ATG4B: variants seen among roughly 807,000 people sequenced by gnomAD.
The protein encoded by ATG4B is autophagy related 4B cysteine peptidase.
Under a neutral mutation model 56.6 loss-of-function variants are expected in ATG4B, and 29 were observed. That is an observed-to-expected ratio of 0.51 (90% confidence interval 0.38 to 0.70). The LOEUF is 0.70. Ranked by LOEUF, ATG4B falls within the 30% of genes least tolerant of loss-of-function variation. The pLI, the probability that ATG4B is intolerant of heterozygous loss-of-function variation, is 0.00. For missense variants in ATG4B, 461 were observed against 515.5 expected, an observed-to-expected ratio of 0.89 and a Z score of 1.02; for synonymous variants, 224 against 206.1, an observed-to-expected ratio of 1.09 and a Z score of -0.74.
intron 7 of ATG4B, 163 bp downstream of exon 7, chr2:241,659,350 C>T: frequency 1.4e-6 from 1 of 707,020 alleles, no homozygotes; most frequent in South Asian, 1.5e-5. Flanking sequence ...GCACGGTGGC[C>T]TCGCTCTCCT....
At chr2:241,660,370 C>T (rs1264802923) in intron 7 of ATG4B, among the ~76,000 whole-genome samples, 2 of 152,152 alleles carry the variant, frequency 1.3e-5, no homozygotes, top group Non-Finnish European at 2.9e-5. Context: ...TGGCCATCCT[C>T]GGGGGCATTG....
chr2:241,667,139 C>T (rs2068804203), intron 8 of ATG4B, among the ~76,000 whole-genome samples: 1 of 152,180 alleles, frequency 6.6e-6, no homozygotes, highest in African/African-American at 2.4e-5. Context: ...AGCCCCGCCC[C>T]CTCCCGGGTC....
chr2:241,647,661 G>C (rs2068105304), intron 1 of ATG4B, among the ~76,000 whole-genome samples: 1 of 151,862 alleles, frequency 6.6e-6, no homozygotes, highest in Non-Finnish European at 1.5e-5. Context: ...AATTAGACCG[G>C]TGGTGTTTTC....
chr2:241,639,627 AAC>A (rs1448769239), intron 1 of ATG4B, among the ~76,000 whole-genome samples: 1 of 152,178 alleles, frequency 6.6e-6, no homozygotes, highest in Non-Finnish European at 1.5e-5. Context: ...TGAGTGATGA[AAC>A]ACCCCTCAGC....
intron 12 of ATG4B, chr2:241,671,727 G>T: frequency 2.3e-6 from 3 of 1,314,366 alleles, no homozygotes; most frequent in East Asian, 3.5e-5. Flanking sequence ...AGTCCTGGGT[G>T]GGGGACTGGT....
At chr2:241,648,594 C>CA (rs35764376) in intron 1 of ATG4B, among the ~76,000 whole-genome samples, 72,210 of 135,238 alleles carry the variant, frequency 0.53, 18,368 homozygotes, top group East Asian at 0.81. Flanking sequence ...GTCCCGGTCT[C>CA]AAAAAAAAAA....
In ATG4B at chr2:241,668,773, T is replaced by C. The variant is rs1285941304; in HGVS notation, c.957+88T>C. The C allele has an allele frequency of 1.3e-6, 2 of 1,503,500 alleles. No homozygotes were observed. Among genetic ancestry groups the C allele is most frequent in the African/African-American group, 1.4e-5 (1 of 70,718 alleles). The allele number at this position is 1,503,500 out of a possible 1,614,324, so 93.1% of individuals were successfully genotyped here. On this transcript the variant is annotated intron_variant, in intron 10 of 12. Transcript: ENST00000404914. The surrounding 1 kb of genome is among the most constrained non-coding windows in gnomAD (Gnocchi z 4.2). ...GAAAACTTTCGGATTTTTGCGTTTT[T>C]TTTTTCAGCATGTTGGGATAAGTAC...
Position 241,654,422 on chromosome 2 carries a change from A to G in ATG4B, c.284-124A>G, listed in dbSNP as rs1184881435. On this transcript the variant is annotated intron_variant, in intron 4 of 12. Coordinates refer to ENST00000404914, the MANE Select transcript of ATG4B (RefSeq NM_013325.5). ...GGTGAGAGAGCGAGACTCTGTTTAA[A>G]AAAAAAAAAAAAAAAAAAAAGATTC... is the stretch of plus-strand genomic sequence containing the variant. The G allele has an allele frequency of 1.4e-5, 3 of 212,390 alleles. No homozygotes were observed. In the African/African-American group the frequency reaches 1.7e-4, roughly 12 times the overall value. The allele number at this position is 212,390 out of a possible 1,614,324, so 13.2% of individuals were successfully genotyped here. A position where few individuals can be genotyped will look rare whatever the true frequency, so the allele number is the denominator to read the frequency against.
Position 241,668,080 on chromosome 2 carries a change from A to T in ATG4B, c.733-63A>T. On this transcript the variant is annotated intron_variant, in intron 8 of 12. Coordinates refer to ENST00000404914, the MANE Select transcript of ATG4B (RefSeq NM_013325.5). The surrounding 1 kb of genome is among the most constrained non-coding windows in gnomAD (Gnocchi z 4.2). ...AGCAGGCCCTTGGGCCCCCTATGGC[A>T]GTGGGTGGGGGGACCGTCTGCTCCC... 6.6e-7 allele frequency: 1 copy of T among 1,514,400 alleles called. No individual in the cohort carries two copies. Among genetic ancestry groups the T allele is most frequent in the Non-Finnish European group, 9.0e-7 (1 of 1,117,198 alleles). 93.8% of individuals were successfully genotyped at this position (1,514,400 alleles called of 1,614,324 possible).
intron 1 of ATG4B, among the ~76,000 whole-genome samples, chr2:241,644,518 G>A (rs1294427412): frequency 6.6e-6 from 1 of 152,236 alleles, no homozygotes; most frequent in East Asian, 1.9e-4. Context: ...GTCCAGGCCT[G>A]TGTCTGTCCT....
intron 6 of ATG4B, 115 bp from the exon 7 acceptor site, chr2:241,658,993 C>T (rs1193392110): frequency 2.3e-5 from 16 of 706,464 alleles, no homozygotes; most frequent in Non-Finnish European, 3.4e-5. Flanking sequence ...AGCCTTGGCC[C>T]TTCTCATCCG....
chr2:241,647,765 A>G (rs1383385154), intron 1 of ATG4B, among the ~76,000 whole-genome samples: 1 of 152,194 alleles, frequency 6.6e-6, no homozygotes, highest in Non-Finnish European at 1.5e-5. Context: ...CTGAAGATTC[A>G]GGAGTGGCTT....
rs1364896083 is a variant in ATG4B, at chr2:241,668,281, A to G, written c.811+60A>G. On this transcript the variant is annotated intron_variant, in intron 9 of 12. Coordinates refer to ENST00000404914, the MANE Select transcript of ATG4B (RefSeq NM_013325.5). This position sits in a 1 kb window ranked among gnomAD's most constrained non-coding sequence, Gnocchi z 4.2. ...CTGGGCCTTTTAAGGGCATTCCATG[A>G]GCAGGTACCACACCCCAGGTGACCA... 6.5e-7 allele frequency: 1 copy of G among 1,534,766 alleles called. No individual in the cohort carries two copies. The highest frequency in any genetic ancestry group is 8.8e-7 in the Non-Finnish European group (1 of 1,131,476).
At position 241,672,377 on chromosome 2, in the gene ATG4B, C is replaced by T. The variant is rs907981565; in HGVS notation, c.*113C>T. 2.1e-6 allele frequency: 2 copies of T among 964,186 alleles called. No homozygotes were observed. The highest frequency in any genetic ancestry group is 1.5e-5 in the South Asian group (1 of 65,844). The allele number at this position is 964,186 out of a possible 1,614,324, so 59.7% of individuals were successfully genotyped here. On this transcript the variant is annotated 3_prime_UTR_variant, in exon 13 of 13. Coordinates refer to ENST00000404914, the MANE Select transcript of ATG4B (RefSeq NM_013325.5). ...GGGCTGCGCCCCGTGCTGCCTCCCC[C>T]CAGAGGGCCACCCGCTGTGCTCGTG... is the stretch of plus-strand genomic sequence containing the variant.
At position 241,668,949 on chromosome 2, in the gene ATG4B, G is replaced by T. The variant is rs944070721; in HGVS notation, c.957+264G>T. The T allele has an allele frequency of 3.9e-6, 2 of 515,570 alleles. No homozygotes were observed. The highest frequency in any genetic ancestry group is 6.8e-6 in the Non-Finnish European group (2 of 292,400). 31.9% of individuals were successfully genotyped at this position (515,570 alleles called of 1,614,324 possible). ...TGTGTCTGGATGTGAGCGTGTGTGG[G>T]CGCGTGCTGAGTGTGCATGGATGAG... On this transcript the variant is annotated intron_variant, in intron 10 of 12. Coordinates refer to ENST00000404914, the MANE Select transcript of ATG4B (RefSeq NM_013325.5). This position sits in a 1 kb window ranked among gnomAD's most constrained non-coding sequence, Gnocchi z 4.2.
In ATG4B at chr2:241,654,654, G is replaced by A; in HGVS notation, c.385+7G>A. 6.3e-7 allele frequency: 1 copy of A among 1,588,038 alleles called. No homozygotes were observed. The highest frequency in any genetic ancestry group is 1.2e-5 in the South Asian group (1 of 86,824). ...TACTCCATTCACCAGATAGGTGGGA[G>A]GCTGCAGAATGTGCCAGGCCCCACC... On this transcript the variant is annotated splice_region_variant and intron_variant, in intron 5 of 12. Transcript: ENST00000404914.
chr2:241,670,650 T>C, intron 10 of ATG4B, 76 bp from the exon 11 acceptor site: 16 of 1,336,114 alleles, frequency 1.2e-5, no homozygotes. Flanking sequence ...CCACTGGCAG[T>C]GGGAATGGAA....
Position 241,637,711 on chromosome 2 carries a change from G to C in ATG4B, c.-4G>C, listed in dbSNP as rs2067710068. On this transcript the variant is annotated 5_prime_UTR_variant, in exon 1 of 13. Transcript: ENST00000404914. ...TCGGGTCAGTCGGCGGCCGGACTGG[G>C]AAGATGGACGCAGGTGAGGAGTTGC... 1 of 1,583,382 alleles carries C rather than the reference G, an allele frequency of 6.3e-7. No individual in the cohort carries two copies. Among genetic ancestry groups the C allele is most frequent in the East Asian group, 2.5e-5 (1 of 40,624 alleles).
At position 241,668,766 on chromosome 2, in the gene ATG4B, G is replaced by T; in HGVS notation, c.957+81G>T. On this transcript the variant is annotated intron_variant, in intron 10 of 12. Coordinates refer to ENST00000404914, the MANE Select transcript of ATG4B (RefSeq NM_013325.5). This position sits in a 1 kb window ranked among gnomAD's most constrained non-coding sequence, Gnocchi z 4.2. ...TGACGAGGAAAACTTTCGGATTTTT[G>T]CGTTTTTTTTTTCAGCATGTTGGGA... 1 of 1,499,082 alleles carries T rather than the reference G, an allele frequency of 6.7e-7. No individual in the cohort carries two copies. The highest frequency in any genetic ancestry group is 2.4e-5 in the Admixed American group (1 of 41,038). The allele number at this position is 1,499,082 out of a possible 1,614,324, so 92.9% of individuals were successfully genotyped here. A position where few individuals can be genotyped will look rare whatever the true frequency, so the allele number is the denominator to read the frequency against.
Sources: allele counts gnomAD v4.1 joint callset (sites outside exome capture counted in the v4.1 genomes callset), GRCh38; gene constraint gnomAD v4.1.1; non-coding constraint Gnocchi (gnomAD v3.1); transcripts MANE v1.5; gene names NCBI Gene and HGNC (gene_info 2026-07-23, HGNC 2026-07-21).